Variants in DSCAM observed in about 807,000 individuals in gnomAD.
The protein encoded by DSCAM is cell adhesion molecule DSCAM.
DSCAM carries 47 observed loss-of-function variants against 217.7 expected under a neutral mutation model. The ratio of observed to expected loss-of-function variants is 0.22; its 90% CI spans 0.17 to 0.28. The LOEUF is 0.28. DSCAM is among the 10% of genes least tolerant of loss of function. DSCAM has a pLI of 1.00. For synonymous variants in DSCAM, 1,056 were observed against 1,015.3 expected, an observed-to-expected ratio of 1.04 and a Z score of -0.76; for missense variants, 2,080 against 2,618.3, an observed-to-expected ratio of 0.79 and a Z score of 4.49.
rs1197976300 is a variant in DSCAM, at chr21:40,353,554, T to C, written c.845A>G (p.Asn282Ser). Residue 282 changes from asparagine to serine, a missense_variant, in exon 5 of 33, where the codon AAC becomes AGC. Asn to Ser is a conservative substitution (Grantham distance 46). Transcript: ENST00000400454. ...GCTGCCTGAGTCCGAGGGGCGAATG[T>C]TCTCAATGAGCAGCCCCGTCACGGT... ...QKTVTGLLIE[N>S]IRPSDSGSYV... 1.2e-6 allele frequency: 2 copies of C among 1,611,706 alleles called. No homozygotes were observed. Among genetic ancestry groups the C allele is most frequent in the Admixed American group, 1.7e-5 (1 of 59,284 alleles).
chr21:40,112,136 C>T (rs1046705420), intron 20 of DSCAM, among the ~76,000 whole-genome samples: 2 of 148,036 alleles, frequency 1.4e-5, no homozygotes, highest in African/African-American at 2.5e-5. Flanking sequence ...CCACACCACA[C>T]GTATTCCAAA....
intron 16 of DSCAM, among the ~76,000 whole-genome samples, chr21:40,158,821 CAACTT>C (rs574872857): frequency 5.7e-4 from 87 of 152,250 alleles, no homozygotes; most frequent in Non-Finnish European, 1.1e-3. Context: ...TTTTTGGTCT[CAACTT>C]AAATTTTTCA....
At chr21:40,368,832 G>C (rs2074862193) in intron 4 of DSCAM, among the ~76,000 whole-genome samples, 1 of 152,170 alleles carries the variant, frequency 6.6e-6, no homozygotes, top group African/African-American at 2.4e-5. Context: ...GGATGGAGAT[G>C]GATCTTTCAC....
At chr21:40,456,160 A>T (rs571745012) in intron 3 of DSCAM, among the ~76,000 whole-genome samples, 110 of 152,142 alleles carry the variant, frequency 7.2e-4, no homozygotes, top group Non-Finnish European at 6.8e-4. Context: ...GTATCATTGC[A>T]AGAAGGCTTG....
intron 8 of DSCAM, among the ~76,000 whole-genome samples, chr21:40,336,785 G>C (rs571286644): frequency 6.6e-6 from 1 of 152,308 alleles, no homozygotes; most frequent in Non-Finnish European, 1.5e-5. Context: ...ACTGAGAAGA[G>C]AGTCAATGAA....
rs553037026 is a variant in DSCAM, at chr21:40,490,674, C to A, written c.509-121429G>T. 7.0e-4 allele frequency among the ~76,000 whole-genome samples: 106 copies of A among 152,312 alleles called. 1 individual carries two copies. Among genetic ancestry groups the A allele is most frequent in the Middle Eastern group, 6.8e-3 (2 of 294 alleles). On this transcript the variant is annotated intron_variant, in intron 3 of 32. Coordinates refer to ENST00000400454, the MANE Select transcript of DSCAM (RefSeq NM_001389.5). ...TGGCAGTGCAGGCAGGAGCTTCTGG[C>A]ACTTGGTAGGATGAGGACCAATTGT...
At chr21:40,222,280 G>A (rs570910181) in intron 11 of DSCAM, among the ~76,000 whole-genome samples, 17 of 152,132 alleles carry the variant, frequency 1.1e-4, no homozygotes, top group Admixed American at 5.9e-4. Context: ...CATTTGGAAC[G>A]TCTACATTAC....
chr21:40,730,128 A>G (rs556703253), intron 1 of DSCAM, among the ~76,000 whole-genome samples: 2 of 152,224 alleles, frequency 1.3e-5, no homozygotes, highest in East Asian at 3.9e-4. Flanking sequence ...TCTATACCTA[A>G]TATGCACCAG....
chr21:40,826,871 T>TTCAGGCAGCTGGATTTCAGGATCTTCTC (rs2091973208), intron 1 of DSCAM, among the ~76,000 whole-genome samples: 1 of 152,128 alleles, frequency 6.6e-6, no homozygotes, highest in Non-Finnish European at 1.5e-5. Flanking sequence ...GGATCTGGAT[T>TTCAGGCAGCTGGATTTCAGGATCTTCTC]TGAGCTCAGA....
At chr21:40,761,447 C>T (rs1211863316) in intron 1 of DSCAM, among the ~76,000 whole-genome samples, 1 of 139,570 alleles carries the variant, frequency 7.2e-6, no homozygotes, top group East Asian at 2.6e-4. Flanking sequence ...TATATTTGAA[C>T]ACAGATGTGT....
At chr21:40,473,608 A>G (rs973344367) in intron 3 of DSCAM, among the ~76,000 whole-genome samples, 2 of 152,176 alleles carry the variant, frequency 1.3e-5, no homozygotes, top group Admixed American at 6.5e-5. Flanking sequence ...ATATACAACT[A>G]TTGTCAGATT....
intron 1 of DSCAM, among the ~76,000 whole-genome samples, chr21:40,738,980 G>A (rs532926605): frequency 1.3e-5 from 2 of 152,154 alleles, no homozygotes; most frequent in African/African-American, 4.8e-5. Context: ...GAAGAAGGGG[G>A]AGCATGAGTT....
At chr21:40,031,568 A>G (rs1280877705) in intron 32 of DSCAM, among the ~76,000 whole-genome samples, 1 of 152,166 alleles carries the variant, frequency 6.6e-6, no homozygotes, top group Non-Finnish European at 1.5e-5. Flanking sequence ...AGACAGGCAA[A>G]TCTTGAGAAG....
rs1054033195 is a variant in DSCAM, at chr21:40,315,258, G to A, written c.1784-2899C>T. ...TACTAAAAATAAAAAAAAAAAATTA[G>A]CCAGGCATGGTGGCGTGCACCTATA... On this transcript the variant is annotated intron_variant, in intron 8 of 32. Transcript: ENST00000400454. 3.3e-5 allele frequency among the ~76,000 whole-genome samples: 5 copies of A among 152,010 alleles called. No homozygotes were observed. The East Asian group carries it at 9.7e-4, about 29-fold the overall frequency.
intron 3 of DSCAM, among the ~76,000 whole-genome samples, chr21:40,615,794 G>C (rs60487796): frequency 1.3e-5 from 2 of 151,988 alleles, no homozygotes; most frequent in Non-Finnish European, 2.9e-5. Flanking sequence ...AATGTGATAT[G>C]GGCAGTCTTT....
At chr21:40,568,319 T>A (rs1183304905) in intron 3 of DSCAM, among the ~76,000 whole-genome samples, 1 of 152,174 alleles carries the variant, frequency 6.6e-6, no homozygotes, top group Non-Finnish European at 1.5e-5. Context: ...ATATATATTT[T>A]TTTTCTTTAA....
chr21:40,478,084 T>C lies in DSCAM; in HGVS notation c.509-108839A>G, dbSNP rs142523871. Among the ~76,000 whole-genome samples the C allele has an allele frequency of 2.4e-3, 366 of 152,356 alleles. 4 individuals are homozygous for C. Among genetic ancestry groups the C allele is most frequent in the Non-Finnish European group, 1.6e-3 (107 of 68,036 alleles). On this transcript the variant is annotated intron_variant, in intron 3 of 32. Transcript: ENST00000400454. ...GTTCGTTTTGCCTGTTTTGGAAGTT[T>C]ATGTAAATAGAACCACACAGAATAT...
chr21:40,712,212 A>T (rs2090787543), intron 1 of DSCAM, among the ~76,000 whole-genome samples: 1 of 152,196 alleles, frequency 6.6e-6, no homozygotes, highest in African/African-American at 2.4e-5. Flanking sequence ...GAACCCATTG[A>T]ATCTGGACAG....
intron 4 of DSCAM, among the ~76,000 whole-genome samples, chr21:40,366,594 T>C (rs533317238): frequency 6.6e-5 from 10 of 152,278 alleles, no homozygotes; most frequent in South Asian, 2.1e-4. Context: ...TAGTTACTTA[T>C]AATCAAAACT....
Sources: gnomAD v4.1 joint callset for allele counts (sites outside exome capture counted in the v4.1 genomes callset) on GRCh38, gnomAD v4.1.1 for gene constraint, MANE v1.5 for transcripts, NCBI Gene and HGNC (gene_info 2026-07-23, HGNC 2026-07-21) for gene names.